The following PPP1R1C variants were observed in gnomAD, a reference collection of about 807,000 sequenced individuals.
PPP1R1C encodes protein phosphatase 1 regulatory inhibitor subunit 1C, also known as protein phosphatase 1 regulatory subunit 1C.
Under a neutral mutation model 17.4 loss-of-function variants are expected in PPP1R1C, and 15 were observed. That is an observed-to-expected ratio of 0.86 (90% CI 0.58 to 1.33). The LOEUF is 1.33. Ranked by LOEUF, PPP1R1C falls within the 40% of genes most tolerant of loss-of-function variation. The probability of loss-of-function intolerance (pLI) is 0.00; values close to 1 mark genes in which losing one functional copy is unlikely to be tolerated. For missense variants in PPP1R1C, 143 were observed against 130.0 expected, an observed-to-expected ratio of 1.10 and a Z score of -0.48; for synonymous variants, 35 against 43.1, an observed-to-expected ratio of 0.81 and a Z score of 0.73.
downstream of PPP1R1C, among the ~76,000 whole-genome samples, chr2:182,120,153 T>C (rs1486694006): frequency 6.6e-6 from 1 of 152,234 alleles, no homozygotes; most frequent in Non-Finnish European, 1.5e-5. Flanking sequence ...GCACCATTTA[T>C]TAAATAAGGA....
chr2:182,007,711 C>T (rs957769253), intron 2 of PPP1R1C, among the ~76,000 whole-genome samples: 20 of 152,036 alleles, frequency 1.3e-4, no homozygotes, highest in Non-Finnish European at 2.9e-4. Flanking sequence ...CTGGACCTAT[C>T]AAAAAATGTA....
At chr2:181,963,511 T>C (rs1185321806) in intron 1 of PPP1R1C, among the ~76,000 whole-genome samples, 1 of 152,148 alleles carries the variant, frequency 6.6e-6, no homozygotes, top group Non-Finnish European at 1.5e-5. Flanking sequence ...TGGTGGTGCG[T>C]TCCTGTAATC....
chr2:181,965,391 A>G (rs142420148), intron 1 of PPP1R1C, among the ~76,000 whole-genome samples: 3 of 152,184 alleles, frequency 2.0e-5, no homozygotes, highest in East Asian at 3.9e-4. Flanking sequence ...GTCCTGAAGG[A>G]TTTCATCAAT....
chr2:181,996,206 T>G (rs2125145639), intron 2 of PPP1R1C, among the ~76,000 whole-genome samples: 1 of 152,284 alleles, frequency 6.6e-6, no homozygotes, highest in African/African-American at 2.4e-5. Flanking sequence ...ACAAGTACTC[T>G]GAAGATATAA....
intron 2 of PPP1R1C, among the ~76,000 whole-genome samples, chr2:181,978,492 G>T (rs1685137676): frequency 6.6e-6 from 1 of 152,204 alleles, no homozygotes; most frequent in East Asian, 1.9e-4. Flanking sequence ...TAACTCGCAT[G>T]GCTGACACCT....
chr2:182,085,722 T>G (rs1688608755), intron 4 of PPP1R1C, among the ~76,000 whole-genome samples: 1 of 152,188 alleles, frequency 6.6e-6, no homozygotes, highest in South Asian at 2.1e-4. Flanking sequence ...GTTATATTTG[T>G]TGAAGTTCAA....
chr2:181,980,706 T>G (rs1004388449), intron 2 of PPP1R1C, among the ~76,000 whole-genome samples: 1 of 152,176 alleles, frequency 6.6e-6, no homozygotes, highest in Non-Finnish European at 1.5e-5. Flanking sequence ...AGAATAGAGA[T>G]TAAACATAAT....
intron 4 of PPP1R1C, among the ~76,000 whole-genome samples, chr2:182,091,768 T>C (rs1349434574): frequency 6.6e-6 from 1 of 152,148 alleles, no homozygotes; most frequent in Non-Finnish European, 1.5e-5. Context: ...AATAGTGCTA[T>C]ATACCTCACC....
intron 2 of PPP1R1C, among the ~76,000 whole-genome samples, chr2:182,043,465 G>GA (rs548994527): frequency 1.1e-3 from 174 of 151,798 alleles, no homozygotes; most frequent in Non-Finnish European, 1.9e-3. Flanking sequence ...CATAGAACAT[G>GA]AAAAAAATAG....
intron 1 of PPP1R1C, among the ~76,000 whole-genome samples, chr2:181,959,293 CT>C (rs1307937220): frequency 6.6e-6 from 1 of 152,178 alleles, no homozygotes; most frequent in African/African-American, 2.4e-5. Context: ...TAAATAACTA[CT>C]CTCCCCACAC....
At chr2:182,002,927 A>ACCCCCCCCCCC (rs200353111) in intron 2 of PPP1R1C, among the ~76,000 whole-genome samples, 96 of 90,940 alleles carry the variant, frequency 1.1e-3, no homozygotes, top group Non-Finnish European at 1.7e-3. Flanking sequence ...GATGCCATAA[A>ACCCCCCCCCCC]CCTCCCCCCC....
upstream of PPP1R1C, among the ~76,000 whole-genome samples, chr2:181,981,149 C>T (rs1049959617): frequency 1.3e-5 from 2 of 151,794 alleles, no homozygotes; most frequent in Admixed American, 1.3e-4. Context: ...GGGATGGTCT[C>T]GATCTCCTGA....
rs1445027319 is a variant in PPP1R1C, at chr2:182,117,534, T to A, written c.*239T>A. On this transcript the variant is annotated 3_prime_UTR_variant, in exon 5 of 5. Coordinates refer to ENST00000682840, the MANE Select transcript of PPP1R1C (RefSeq NM_001080545.3). ...ATTTATTTTACAGTGATTCTTCTTT[T>A]TAACTATGTAAAAATTTGCATACAT... The A allele has an allele frequency of 2.6e-6, 1 of 389,646 alleles. No individual in the cohort carries two copies. The highest frequency in any genetic ancestry group is 4.4e-5 in the East Asian group (1 of 22,832). 24.1% of individuals were successfully genotyped at this position (389,646 alleles called of 1,614,324 possible). A position where few individuals can be genotyped will look rare whatever the true frequency, so the allele number is the denominator to read the frequency against.
intron 2 of PPP1R1C, among the ~76,000 whole-genome samples, chr2:182,046,351 T>G (rs1315591290): frequency 1.3e-5 from 2 of 152,144 alleles, no homozygotes; most frequent in African/African-American, 4.8e-5. Flanking sequence ...ACTGTTCCAC[T>G]CTCTGTGAAA....
chr2:181,982,881 AGTT>A (rs1685218922), upstream of PPP1R1C, among the ~76,000 whole-genome samples: 1 of 152,162 alleles, frequency 6.6e-6, no homozygotes, highest in Admixed American at 6.5e-5. Context: ...GAGAGACTAT[AGTT>A]GTTGCTTGTT....
At chr2:182,057,722 C>T (rs1687727970) in intron 2 of PPP1R1C, among the ~76,000 whole-genome samples, 1 of 152,036 alleles carries the variant, frequency 6.6e-6, no homozygotes, top group Non-Finnish European at 1.5e-5. Context: ...CTTGCCCTTC[C>T]TTATACCTCT....
intron 2 of PPP1R1C, among the ~76,000 whole-genome samples, chr2:181,996,974 A>G (rs60073171): frequency 0.063 from 9,653 of 152,020 alleles, 584 homozygotes; most frequent in African/African-American, 0.15. Flanking sequence ...TCACGCCTGT[A>G]ATTCCAGCAC....
At chr2:182,017,788 T>C (rs969387083) in intron 2 of PPP1R1C, among the ~76,000 whole-genome samples, 1 of 152,112 alleles carries the variant, frequency 6.6e-6, no homozygotes, top group African/African-American at 2.4e-5. Flanking sequence ...CAGAACATGT[T>C]GTTTTCATAG....
intron 5 of PPP1R1C, among the ~76,000 whole-genome samples, chr2:182,126,752 T>C (rs933054125): frequency 2.0e-5 from 3 of 151,934 alleles, no homozygotes; most frequent in Non-Finnish European, 4.4e-5. Flanking sequence ...TGTGTAGGGG[T>C]GCAGCCACTT....
Sources: allele counts gnomAD v4.1 joint callset (sites outside exome capture counted in the v4.1 genomes callset), GRCh38; gene constraint gnomAD v4.1.1; transcripts MANE v1.5; gene names NCBI Gene and HGNC (gene_info 2026-07-23, HGNC 2026-07-21).